NRCAM: variants seen among roughly 807,000 people sequenced by gnomAD.
NRCAM encodes neuronal cell adhesion molecule, also known as NgCAM-related cell adhesion molecule.
In NRCAM, 83 loss-of-function variants were observed where a neutral mutation model predicts 156.5. The observed-to-expected ratio is 0.53, with a 90% confidence interval of 0.44 to 0.64. The LOEUF is 0.64. Among genes scored for constraint, NRCAM ranks in the 30% least tolerant of loss-of-function variants. The pLI is 0.00. For missense variants in NRCAM, 1,417 were observed against 1,597.3 expected (o/e 0.89, Z 1.92); for synonymous variants, 538 against 563.9 (o/e 0.95, Z 0.65).
chr7:108,166,242 T>C (rs1038681788), intron 30 of NRCAM, among the ~76,000 whole-genome samples: 1 of 146,996 alleles, frequency 6.8e-6, no homozygotes, highest in Admixed American at 6.7e-5. Context: ...TGACTTTCTT[T>C]CTTTTCTTTT....
intron 2 of NRCAM, among the ~76,000 whole-genome samples, chr7:108,397,715 G>C (rs1216933731): frequency 6.6e-6 from 1 of 152,208 alleles, no homozygotes; most frequent in Non-Finnish European, 1.5e-5. Flanking sequence ...AGAAAGCAAA[G>C]CTCCTTTCGT....
intron 1 of NRCAM, among the ~76,000 whole-genome samples, chr7:108,446,322 T>C (rs1240494216): frequency 1.3e-5 from 2 of 152,192 alleles, no homozygotes; most frequent in Non-Finnish European, 2.9e-5. Context: ...TTATAAATGT[T>C]TGGTTTCTCA....
intron 11 of NRCAM, among the ~76,000 whole-genome samples, chr7:108,214,674 G>A (rs1471724663): frequency 6.6e-6 from 1 of 152,086 alleles, no homozygotes; most frequent in Non-Finnish European, 1.5e-5. Context: ...TGCTTCTCTA[G>A]TTCTTTTAAT....
At chr7:108,338,614 AGAGAGACACAGAGAGGG>A (rs200628373) in intron 2 of NRCAM, among the ~76,000 whole-genome samples, 37,388 of 151,186 alleles carry the variant, frequency 0.25, 5,088 homozygotes, top group Non-Finnish European at 0.3. Flanking sequence ...GACAGAGAGG[AGAGAGACACAGAGAGGG>A]GAGAGACACA....
chr7:108,297,678 A>G (rs1477448581), intron 3 of NRCAM, among the ~76,000 whole-genome samples: 1 of 152,202 alleles, frequency 6.6e-6, no homozygotes, highest in Non-Finnish European at 1.5e-5. Flanking sequence ...GGAGGGAAAC[A>G]TAAAAAAAAC....
At chr7:108,406,004 C>T (rs1439517048) in intron 1 of NRCAM, among the ~76,000 whole-genome samples, 1 of 151,020 alleles carries the variant, frequency 6.6e-6, no homozygotes, top group Non-Finnish European at 1.5e-5. Context: ...GTCTAAGAAG[C>T]CAGTCCCCAA....
intron 11 of NRCAM, among the ~76,000 whole-genome samples, chr7:108,215,600 G>T (rs2087852928): frequency 6.6e-6 from 1 of 151,990 alleles, no homozygotes; most frequent in African/African-American, 2.4e-5. Flanking sequence ...TTCTGTATTG[G>T]CTCCATATAT....
intron 1 of NRCAM, among the ~76,000 whole-genome samples, chr7:108,415,663 C>A (rs1459971174): frequency 6.6e-6 from 1 of 152,144 alleles, no homozygotes; most frequent in Non-Finnish European, 1.5e-5. Context: ...GGTGGATCAT[C>A]TGAGGTCAGG....
chr7:108,450,123 C>T (rs1487047896), intron 1 of NRCAM, among the ~76,000 whole-genome samples: 1 of 152,062 alleles, frequency 6.6e-6, no homozygotes, highest in Non-Finnish European at 1.5e-5. Context: ...TAGTCCAGGG[C>T]AATATGGAAG....
intron 3 of NRCAM, among the ~76,000 whole-genome samples, chr7:108,253,572 T>C (rs1383272046): frequency 6.6e-6 from 1 of 152,224 alleles, no homozygotes; most frequent in African/African-American, 2.4e-5. Context: ...ATAAATGCTG[T>C]TATTGAGTTT....
chr7:108,338,612 GGA>G (rs1300288829), intron 2 of NRCAM, among the ~76,000 whole-genome samples: 1 of 140,022 alleles, frequency 7.1e-6, no homozygotes, highest in East Asian at 2.1e-4. Flanking sequence ...GAGACAGAGA[GGA>G]GAGAGACACA....
chr7:108,443,424 T>TA (rs1051301690), intron 1 of NRCAM, among the ~76,000 whole-genome samples: 22 of 152,334 alleles, frequency 1.4e-4, no homozygotes, highest in African/African-American at 4.8e-4. Context: ...TTTCTCCAAA[T>TA]AGACAGTGGT....
intron 2 of NRCAM, among the ~76,000 whole-genome samples, chr7:108,352,645 A>G (rs558246444): frequency 6.6e-6 from 1 of 152,352 alleles, no homozygotes; most frequent in Non-Finnish European, 1.5e-5. Flanking sequence ...TGTTACGACA[A>G]TGTTTTACTT....
intron 3 of NRCAM, among the ~76,000 whole-genome samples, chr7:108,276,867 C>T (rs1428090932): frequency 2.0e-5 from 3 of 152,018 alleles, no homozygotes; most frequent in African/African-American, 7.2e-5. Context: ...TTTGCAGTGG[C>T]GGTACTGGTT....
intron 2 of NRCAM, among the ~76,000 whole-genome samples, chr7:108,383,694 C>A (rs2154362304): frequency 6.6e-6 from 1 of 152,300 alleles, no homozygotes; most frequent in South Asian, 2.1e-4. Context: ...TAATAAAGTA[C>A]AGTCCCATAC....
intron 3 of NRCAM, among the ~76,000 whole-genome samples, chr7:108,279,230 T>A (rs2097764382): frequency 6.6e-6 from 1 of 152,218 alleles, no homozygotes; most frequent in African/African-American, 2.4e-5. Flanking sequence ...GTGGCAGATT[T>A]TTCCTTGAGA....
At chr7:108,455,098 G>T (rs1318097633) in intron 1 of NRCAM, among the ~76,000 whole-genome samples, 1 of 152,166 alleles carries the variant, frequency 6.6e-6, no homozygotes, top group Non-Finnish European at 1.5e-5. Context: ...GAAGCGGCCT[G>T]TTCGCCAGCC....
intron 2 of NRCAM, among the ~76,000 whole-genome samples, chr7:108,397,504 G>A (rs1351264542): frequency 6.6e-6 from 1 of 152,176 alleles, no homozygotes; most frequent in Non-Finnish European, 1.5e-5. Flanking sequence ...AAACAGTGCA[G>A]GCTCTGTTAT....
At chr7:108,295,489 T>C (rs549416635) in intron 3 of NRCAM, among the ~76,000 whole-genome samples, 1 of 152,352 alleles carries the variant, frequency 6.6e-6, no homozygotes, top group Admixed American at 6.5e-5. Context: ...TCTTGCTATG[T>C]CCACCCACAG....
Sources: gnomAD v4.1 joint callset for allele counts (sites outside exome capture counted in the v4.1 genomes callset) on GRCh38, gnomAD v4.1.1 for gene constraint, MANE v1.5 for transcripts, NCBI Gene and HGNC (gene_info 2026-07-23, HGNC 2026-07-21) for gene names.